Variants in ARHGAP21 observed in about 807,000 individuals in gnomAD.
ARHGAP21 encodes rho GTPase-activating protein 21.
Under a neutral mutation model 164.6 loss-of-function variants are expected in ARHGAP21, and 38 were observed. The observed-to-expected ratio is 0.23, with a 90% CI of 0.18 to 0.30. The LOEUF is 0.30. ARHGAP21 is among the 10% of genes least tolerant of loss of function. The probability of loss-of-function intolerance (pLI) is 1.00; values close to 1 mark genes in which losing one functional copy is unlikely to be tolerated. For missense variants in ARHGAP21, 1,822 were observed against 2,370.7 expected (o/e 0.77, Z 4.81); for synonymous variants, 766 against 857.9 (o/e 0.89, Z 1.87).
chr10:24,708,689 T>A (rs1346362965), intron 2 of ARHGAP21, among the ~76,000 whole-genome samples: 2 of 152,250 alleles, frequency 1.3e-5, no homozygotes, highest in African/African-American at 4.8e-5. Flanking sequence ...TTCAACTTTC[T>A]GTGCTTGGTT....
chr10:24,620,282 C>T lies in ARHGAP21; in HGVS notation c.1613G>A (p.Arg538Gln), dbSNP rs761547283. Residue 538 changes from arginine to glutamine, a missense_variant, in exon 9 of 26, where the codon CGA (arginine) becomes CAA (glutamine). By Grantham distance (43) the Arg-to-Gln change is conservative. Around this residue, in one of 5 missense-constraint regions of ARHGAP21, gnomAD observed 1,090 missense variants for 1,378.9 expected, o/e 0.79. Coordinates refer to ENST00000396432, the MANE Select transcript of ARHGAP21 (RefSeq NM_020824.4). ...WSGFTEQDDR[R>Q]GICERPRQQE... is the part of the protein sequence containing the mutation. Reference sequence around the variant, plus strand: ...CTGCCTAGGTCTTTCACAAATACCTCGTCTATCATCCTGTTCAGTAAACCC... The same window carrying T: ...CTGCCTAGGTCTTTCACAAATACCTTGTCTATCATCCTGTTCAGTAAACCC... 5.0e-6 allele frequency: 8 copies of T among 1,613,928 alleles called. No individual in the cohort carries two copies. The highest frequency in any genetic ancestry group is 4.4e-5 in the South Asian group (4 of 91,070).
At chr10:24,634,728 T>C (rs1166185802) in intron 5 of ARHGAP21, among the ~76,000 whole-genome samples, 1 of 152,236 alleles carries the variant, frequency 6.6e-6, no homozygotes, top group Non-Finnish European at 1.5e-5. Context: ...CAAAATTCAA[T>C]GCATGCAAAA....
At chr10:24,644,294 C>A (rs923837580) in intron 4 of ARHGAP21, among the ~76,000 whole-genome samples, 5 of 152,158 alleles carry the variant, frequency 3.3e-5, no homozygotes, top group African/African-American at 1.2e-4. Flanking sequence ...AACAAAAGTT[C>A]TCTCCACCTT....
At position 24,607,137 on chromosome 10, in the gene ARHGAP21, T is replaced by A. The variant is rs140120380; in HGVS notation, c.2684+362A>T. On this transcript the variant is annotated intron_variant, in intron 11 of 25. Coordinates refer to ENST00000396432, the MANE Select transcript of ARHGAP21 (RefSeq NM_020824.4). ...GTGTCTATACCATGTGTCATTTGTT[T>A]GTAAAAATAATTAGAATACAGTACA... 5.9e-5 allele frequency among the ~76,000 whole-genome samples: 9 copies of A among 152,344 alleles called. No homozygotes were observed. The East Asian group carries it at 1.5e-3, about 26-fold the overall frequency.
At chr10:24,598,241 T>G (rs2076666568) in intron 14 of ARHGAP21, among the ~76,000 whole-genome samples, 2 of 152,214 alleles carry the variant, frequency 1.3e-5, no homozygotes, top group South Asian at 4.1e-4. Context: ...ATGCGATACC[T>G]AGGATAGTAC....
In ARHGAP21 at chr10:24,685,284, A is replaced by T. The variant is rs181434416; in HGVS notation, c.64-14887T>A. ...TACATATTCAAAAGAGTTTAGTGGC[A>T]GTCAATCATATTTAGTATAGGTCCA... On this transcript the variant is annotated intron_variant, in intron 2 of 25. Transcript: ENST00000396432. 1.0e-3 allele frequency among the ~76,000 whole-genome samples: 152 copies of T among 152,342 alleles called. 2 individuals are homozygous for T. The highest frequency in any genetic ancestry group is 6.4e-3 in the Admixed American group (98 of 15,298).
At chr10:24,637,470 GAA>G (rs1457921693) in intron 4 of ARHGAP21, among the ~76,000 whole-genome samples, 6 of 152,188 alleles carry the variant, frequency 3.9e-5, no homozygotes, top group African/African-American at 1.4e-4. Flanking sequence ...TAATAAAAGA[GAA>G]GAGACATTTT....
At chr10:24,691,948 T>C (rs1476189074) in intron 2 of ARHGAP21, among the ~76,000 whole-genome samples, 1 of 152,156 alleles carries the variant, frequency 6.6e-6, no homozygotes, top group African/African-American at 2.4e-5. Context: ...TCACAAAAAA[T>C]AGAAATCCAA....
At chr10:24,589,329 C>A in intron 24 of ARHGAP21, 27 bp from the exon 25 acceptor site, 2 of 1,591,082 alleles carry the variant, frequency 1.3e-6, no homozygotes, top group South Asian at 1.1e-5. Context: ...AAAACATGGT[C>A]AGTATTAGCC....
At chr10:24,626,547 C>T (rs1835159624) in intron 7 of ARHGAP21, among the ~76,000 whole-genome samples, 1 of 152,108 alleles carries the variant, frequency 6.6e-6, no homozygotes, top group African/African-American at 2.4e-5. Flanking sequence ...TGAGCCTTGA[C>T]CTTGGGCTTC....
chr10:24,668,790 TA>T (rs1399191788), intron 3 of ARHGAP21, among the ~76,000 whole-genome samples: 1 of 152,198 alleles, frequency 6.6e-6, no homozygotes, highest in Non-Finnish European at 1.5e-5. Flanking sequence ...ACTGTGCTAC[TA>T]AAATTTCTAG....
intron 2 of ARHGAP21, among the ~76,000 whole-genome samples, chr10:24,715,932 C>T (rs992068623): frequency 6.6e-6 from 1 of 152,190 alleles, no homozygotes; most frequent in African/African-American, 2.4e-5. Context: ...TCACTTGAGC[C>T]TGGGAGGCGG....
chr10:24,633,999 T>TTC (rs1265424612), intron 5 of ARHGAP21, among the ~76,000 whole-genome samples: 3 of 141,922 alleles, frequency 2.1e-5, no homozygotes, highest in Non-Finnish European at 3.0e-5. Flanking sequence ...GTTCAAGCAA[T>TTC]TCTCTTTCTA....
intron 4 of ARHGAP21, among the ~76,000 whole-genome samples, chr10:24,661,695 A>C (rs1839707570): frequency 6.6e-6 from 1 of 152,208 alleles, no homozygotes; most frequent in Admixed American, 6.5e-5. Flanking sequence ...CATGATCTCA[A>C]TATGCTTGAA....
At chr10:24,643,655 C>T (rs1048127943) in intron 4 of ARHGAP21, among the ~76,000 whole-genome samples, 26 of 152,328 alleles carry the variant, frequency 1.7e-4, no homozygotes, top group African/African-American at 5.5e-4. Context: ...CTTAACCTTT[C>T]AAAGCATTCG....
intron 9 of ARHGAP21, among the ~76,000 whole-genome samples, chr10:24,609,893 A>G (rs553555122): frequency 6.6e-6 from 1 of 152,366 alleles, no homozygotes; most frequent in South Asian, 2.1e-4. Context: ...ACACTTTCAA[A>G]TGACTTCTAA....
chr10:24,675,947 A>G (rs1475395449), intron 2 of ARHGAP21, among the ~76,000 whole-genome samples: 4 of 152,202 alleles, frequency 2.6e-5, no homozygotes, highest in African/African-American at 7.2e-5. Flanking sequence ...CAGGAGTTTG[A>G]GACTAGCCTG....
At chr10:24,619,387 T>C in intron 9 of ARHGAP21, 86 bp downstream of exon 9, 1 of 1,308,758 alleles carries the variant, frequency 7.6e-7, no homozygotes, top group Non-Finnish European at 1.1e-6. Context: ...GTAAGACTTC[T>C]ATGCCTATTG....
chr10:24,668,501 G>A (rs1480309926), intron 3 of ARHGAP21, among the ~76,000 whole-genome samples: 1 of 152,186 alleles, frequency 6.6e-6, no homozygotes, highest in Non-Finnish European at 1.5e-5. Context: ...CCCACCTCAT[G>A]CCCTGAGCTG....
Sources: allele counts gnomAD v4.1 joint callset (sites outside exome capture counted in the v4.1 genomes callset), GRCh38; gene constraint gnomAD v4.1.1; regional missense constraint gnomAD v4.1.1; transcripts MANE v1.5; gene names NCBI Gene and HGNC (gene_info 2026-07-23, HGNC 2026-07-21).